Variants in NRF1 observed in about 807,000 individuals in gnomAD.
NRF1 encodes nuclear respiratory factor 1, also known as alpha palindromic-binding protein.
A neutral mutation model predicts 58.5 loss-of-function variants in NRF1; 5 were observed. The observed-to-expected ratio is 0.09, with a 90% CI of 0.04 to 0.18. The LOEUF (loss-of-function observed/expected upper bound fraction) is 0.18. NRF1 is among the 10% of genes least tolerant of loss of function. NRF1 has a pLI of 1.00. For synonymous variants in NRF1, 224 were observed against 246.7 expected (o/e 0.91, Z 0.86); for missense variants, 288 against 657.7 (o/e 0.44, Z 6.15).
intron 3 of NRF1, among the ~76,000 whole-genome samples, chr7:129,671,898 G>A (rs1802056599): frequency 6.6e-6 from 1 of 152,120 alleles, no homozygotes; most frequent in Admixed American, 6.6e-5. Flanking sequence ...GATGATAAGT[G>A]CAATGGGAAA....
chr7:129,727,437 C>G (rs1803475116), intron 10 of NRF1, 72 bp downstream of exon 10: 4 of 1,471,106 alleles, frequency 2.7e-6, no homozygotes, highest in South Asian at 2.7e-5. Flanking sequence ...TGACTGGCAA[C>G]AAAGCCTTCA....
chr7:129,746,084 T>TG (rs2116311090), intron 10 of NRF1, among the ~76,000 whole-genome samples: 1 of 152,332 alleles, frequency 6.6e-6, no homozygotes, highest in East Asian at 1.9e-4. Context: ...CCTGTGAGGC[T>TG]GCTCTTGGCT....
intron 1 of NRF1, among the ~76,000 whole-genome samples, chr7:129,615,572 A>G (rs1210868551): frequency 1.3e-5 from 2 of 152,222 alleles, no homozygotes; most frequent in East Asian, 1.9e-4. Flanking sequence ...TTGATAGCTA[A>G]AGCTAGTGTT....
intron 1 of NRF1, among the ~76,000 whole-genome samples, chr7:129,642,738 A>C (rs1366318228): frequency 6.7e-6 from 1 of 149,086 alleles, no homozygotes; most frequent in African/African-American, 2.4e-5. Flanking sequence ...CACTTCTAAA[A>C]GAATACATTC....
intron 10 of NRF1, among the ~76,000 whole-genome samples, chr7:129,739,687 A>G (rs1479267003): frequency 6.6e-6 from 1 of 152,144 alleles, no homozygotes; most frequent in Non-Finnish European, 1.5e-5. Context: ...CAGTGGTGAC[A>G]TCAAGACTCA....
At chr7:129,668,756 C>G (rs1448293760) in intron 2 of NRF1, among the ~76,000 whole-genome samples, 1 of 152,134 alleles carries the variant, frequency 6.6e-6, no homozygotes, top group Non-Finnish European at 1.5e-5. Flanking sequence ...ATATGATTTA[C>G]TACTTACTAT....
At chr7:129,645,788 T>C (rs1801392525) in intron 1 of NRF1, among the ~76,000 whole-genome samples, 1 of 152,194 alleles carries the variant, frequency 6.6e-6, no homozygotes, top group African/African-American at 2.4e-5. Context: ...CCTACTTTCC[T>C]GTCTATGCTC....
At chr7:129,613,220 A>G (rs1331702585) in intron 1 of NRF1, among the ~76,000 whole-genome samples, 3 of 152,166 alleles carry the variant, frequency 2.0e-5, no homozygotes, top group Admixed American at 2.0e-4. Context: ...AGCCTTTTAA[A>G]AAATTATTTT....
chr7:129,700,170 G>T (rs1188086823), intron 5 of NRF1, among the ~76,000 whole-genome samples: 1 of 151,878 alleles, frequency 6.6e-6, no homozygotes, highest in African/African-American at 2.4e-5. Flanking sequence ...AAATAATTAT[G>T]ATGGTTATAC....
chr7:129,732,045 C>A (rs371966084), intron 10 of NRF1, among the ~76,000 whole-genome samples: 3 of 152,176 alleles, frequency 2.0e-5, no homozygotes, highest in Non-Finnish European at 4.4e-5. Context: ...CCCAGAACCC[C>A]CTGTGTTCCA....
At chr7:129,706,058 T>C (rs996716709) in intron 5 of NRF1, among the ~76,000 whole-genome samples, 1 of 152,118 alleles carries the variant, frequency 6.6e-6, no homozygotes, top group African/African-American at 2.4e-5. Flanking sequence ...TGGAAAATAG[T>C]CCAGCCAGGG....
intron 4 of NRF1, 149 bp downstream of exon 4, chr7:129,677,907 T>C: frequency 1.2e-6 from 1 of 840,512 alleles, no homozygotes; most frequent in Non-Finnish European, 1.8e-6. Flanking sequence ...GACTGCTTTA[T>C]GCATATCAAA....
intron 10 of NRF1, among the ~76,000 whole-genome samples, chr7:129,745,526 A>G (rs982381596): frequency 3.1e-5 from 4 of 130,258 alleles, no homozygotes; most frequent in Non-Finnish European, 4.9e-5. Flanking sequence ...CATCCATGGA[A>G]ATACTGTCTT....
chr7:129,625,784 C>T (rs1353313487), intron 1 of NRF1, among the ~76,000 whole-genome samples: 1 of 150,622 alleles, frequency 6.6e-6, no homozygotes, highest in Non-Finnish European at 1.5e-5. Context: ...CGGGTTCACG[C>T]CATTCTCCTG....
intron 3 of NRF1, among the ~76,000 whole-genome samples, chr7:129,675,602 C>T (rs74848540): frequency 0.032 from 4,828 of 152,262 alleles, 247 homozygotes; most frequent in African/African-American, 0.11. Flanking sequence ...TCTCCTTGTA[C>T]GTCTCCGTTA....
chr7:129,716,600 G>C (rs1803195324), intron 8 of NRF1, among the ~76,000 whole-genome samples: 1 of 152,120 alleles, frequency 6.6e-6, no homozygotes, highest in Non-Finnish European at 1.5e-5. Flanking sequence ...GCCGGGCGTG[G>C]TGACTCATGC....
intron 8 of NRF1, among the ~76,000 whole-genome samples, chr7:129,715,097 A>T (rs1803157487): frequency 6.6e-6 from 1 of 152,218 alleles, no homozygotes; most frequent in Non-Finnish European, 1.5e-5. Flanking sequence ...TTATTGAGCA[A>T]AACGGACTGA....
Position 129,711,471 on chromosome 7 carries a change from T to G in NRF1, c.964-4T>G. On this transcript the variant is annotated splice_region_variant and splice_polypyrimidine_tract_variant and intron_variant, in intron 7 of 10. Transcript: ENST00000393232. ...ACTTAACCACTTTCCATATTTTTCT[T>G]TAGGTTGGTACGGGGGCAACAGTAG... 6.2e-7 allele frequency: 1 copy of G among 1,606,554 alleles called. No individual in the cohort carries two copies. The highest frequency in any genetic ancestry group is 8.5e-7 in the Non-Finnish European group (1 of 1,175,456).
At chr7:129,721,727 C>T (rs183501496) in intron 9 of NRF1, among the ~76,000 whole-genome samples, 273 of 152,174 alleles carry the variant, frequency 1.8e-3, no homozygotes, top group African/African-American at 5.9e-3. Context: ...GTGATCCACC[C>T]GCCTCAGCCT....
Sources: gnomAD v4.1 joint callset for allele counts (sites outside exome capture counted in the v4.1 genomes callset) on GRCh38, gnomAD v4.1.1 for gene constraint, MANE v1.5 for transcripts, NCBI Gene and HGNC (gene_info 2026-07-23, HGNC 2026-07-21) for gene names.